The following ANKMY1 variants were observed in gnomAD, a reference collection of about 807,000 sequenced individuals.
ANKMY1 encodes the protein ankyrin repeat and MYND domain containing 1, also known as ankyrin repeat and MYND domain-containing protein 1.
Under a neutral mutation model 102.0 loss-of-function variants are expected in ANKMY1, and 98 were observed. That is an observed-to-expected ratio of 0.96 (90% CI 0.82 to 1.14). The LOEUF is 1.14. Among genes scored for constraint, ANKMY1 ranks in the 50% most tolerant of loss-of-function variants. The probability of loss-of-function intolerance (pLI) is 0.00; values close to 1 mark genes in which losing one functional copy is unlikely to be tolerated. For missense variants in ANKMY1, 1,330 were observed against 1,347.6 expected, an observed-to-expected ratio of 0.99 and a Z score of 0.20; for synonymous variants, 582 against 559.9, an observed-to-expected ratio of 1.04 and a Z score of -0.56.
At chr2:240,509,243 G>GGATA (rs59967171) in intron 12 of ANKMY1, 105 bp downstream of exon 12, 506,671 of 830,028 alleles carry the variant, frequency 0.61, 157,175 homozygotes, top group East Asian at 0.78. Flanking sequence ...ATGGATGGAT[G>GGATA]GATAAATGGC....
At chr2:240,543,126 G>A (rs1481337657) in intron 4 of ANKMY1, among the ~76,000 whole-genome samples, 1 of 151,948 alleles carries the variant, frequency 6.6e-6, no homozygotes, top group East Asian at 1.9e-4. Context: ...AAGGCGGGCA[G>A]ATCATGAGGT....
At chr2:240,532,570 G>T (rs1372814261) in intron 4 of ANKMY1, among the ~76,000 whole-genome samples, 1 of 152,194 alleles carries the variant, frequency 6.6e-6, no homozygotes, top group Non-Finnish European at 1.5e-5. Context: ...GTCTAAAAAT[G>T]CTGACTATAA....
intron 1 of ANKMY1, among the ~76,000 whole-genome samples, chr2:240,557,628 T>TGGCCA (rs1325470615): frequency 6.6e-6 from 1 of 152,152 alleles, no homozygotes; most frequent in Non-Finnish European, 1.5e-5. Flanking sequence ...CGCGGCCACG[T>TGGCCA]GGCCAGGCCA....
chr2:240,519,364 G>A (rs2081732682), intron 9 of ANKMY1, among the ~76,000 whole-genome samples: 1 of 152,218 alleles, frequency 6.6e-6, no homozygotes, highest in Non-Finnish European at 1.5e-5. Context: ...CAGGCAAAGG[G>A]ATGAAATACA....
intron 15 of ANKMY1, among the ~76,000 whole-genome samples, chr2:240,487,175 T>C (rs1159397289): frequency 2.0e-5 from 3 of 152,238 alleles, no homozygotes; most frequent in African/African-American, 7.2e-5. Flanking sequence ...TTTTCTAGTC[T>C]CTACCTCCAT....
rs546198800 is a variant in ANKMY1 at position 240,528,887 on chromosome 2, C to T, written c.953+150G>A. ...CAGGGGCTTTCCCTCCCTTCATTAT[C>T]GCCCACATCAGTCACTTAATGGGAG... On this transcript the variant is annotated intron_variant, in intron 5 of 17. Transcript: ENST00000401804. The T allele has an allele frequency of 2.0e-4, 147 of 742,072 alleles. 1 individual carries two copies. The African/African-American group carries it at 2.2e-3, about 11-fold the overall frequency. 46.0% of individuals were successfully genotyped at this position (742,072 alleles called of 1,614,324 possible). A position where few individuals can be genotyped will look rare whatever the true frequency, so the allele number is the denominator to read the frequency against.
chr2:240,534,762 T>C (rs958342794), intron 4 of ANKMY1, among the ~76,000 whole-genome samples: 2 of 152,164 alleles, frequency 1.3e-5, no homozygotes, highest in Non-Finnish European at 2.9e-5. Context: ...GATTCTAACA[T>C]ACCTTTCTCA....
intron 12 of ANKMY1, 63 bp from the exon 13 acceptor site, chr2:240,507,754 G>T: frequency 6.6e-7 from 1 of 1,522,896 alleles, no homozygotes; most frequent in Non-Finnish European, 8.9e-7. Flanking sequence ...AGAGGGGAAG[G>T]CCCCAGGGCT....
chr2:240,526,739 G>A, intron 5 of ANKMY1: 1 of 1,325,984 alleles, frequency 7.5e-7, no homozygotes, highest in South Asian at 1.6e-5. Flanking sequence ...GATTCATCTG[G>A]GTGTTTGCTA....
chr2:240,501,112 A>G (rs2078108461), intron 13 of ANKMY1, among the ~76,000 whole-genome samples: 1 of 150,052 alleles, frequency 6.7e-6, no homozygotes. Flanking sequence ...GTGTGTGGAT[A>G]TGTGTGTGTG....
intron 9 of ANKMY1, among the ~76,000 whole-genome samples, chr2:240,513,249 A>G (rs940863362): frequency 1.3e-5 from 2 of 152,188 alleles, no homozygotes; most frequent in Non-Finnish European, 2.9e-5. Flanking sequence ...TTCCTCTAAG[A>G]AAAGCCTCTC....
chr2:240,560,943 G>A (rs868495061), upstream of ANKMY1: 3 of 1,531,944 alleles, frequency 2.0e-6, no homozygotes, highest in African/African-American at 1.4e-5. Flanking sequence ...GCCCACGTGC[G>A]CCGCCATGGA....
chr2:240,477,854 A>C (rs2074957758), downstream of ANKMY1, among the ~76,000 whole-genome samples: 1 of 137,982 alleles, frequency 7.2e-6, no homozygotes, highest in African/African-American at 2.5e-5. Context: ...TCCCACTTTT[A>C]GATACACGTC....
chr2:240,557,808 C>T (rs912299235), intron 1 of ANKMY1, 73 bp downstream of exon 1: 2 of 937,138 alleles, frequency 2.1e-6, no homozygotes, highest in African/African-American at 1.8e-5. Flanking sequence ...GGCGCCCCCC[C>T]GCACCCGCCG....
chr2:240,527,278 A>T (rs549993616), intron 5 of ANKMY1: 1 of 150,538 alleles, frequency 6.6e-6, no homozygotes, highest in East Asian at 1.9e-4. Flanking sequence ...AGATTGATAG[A>T]TGGATAGATG....
intron 13 of ANKMY1, 88 bp from the exon 14 acceptor site, chr2:240,500,653 C>G: frequency 8.8e-7 from 1 of 1,137,032 alleles, no homozygotes; most frequent in Non-Finnish European, 1.3e-6. Context: ...GCCATGGTCA[C>G]CTGCAGTCCC....
In ANKMY1 at chr2:240,531,375, C is replaced by T. The variant is rs140841589; in HGVS notation, c.481-1866G>A. 4.2e-3 allele frequency among the ~76,000 whole-genome samples: 640 copies of T among 152,292 alleles called. 8 individuals are homozygous for T. Among genetic ancestry groups the T allele is most frequent in the African/African-American group, 0.014 (595 of 41,554 alleles). The stretch of plus-strand genomic sequence containing the variant: ...ATACACTTACTGTTTTGACCAGCAA[C>T]CCCACTCTTGGGTATTTATCCAAGT... On this transcript the variant is annotated intron_variant, in intron 4 of 17. Transcript: ENST00000401804.
At chr2:240,542,684 C>CTG (rs1161774656) in intron 4 of ANKMY1, among the ~76,000 whole-genome samples, 1 of 148,592 alleles carries the variant, frequency 6.7e-6, no homozygotes, top group African/African-American at 2.5e-5. Flanking sequence ...ATCTTTGTAT[C>CTG]TGTGTGTGTG....
chr2:240,499,164 G>A lies in ANKMY1; in HGVS notation c.2806+794C>T, dbSNP rs1181057305. 6.6e-6 allele frequency among the ~76,000 whole-genome samples: 1 copy of A among 152,182 alleles called. No individual in the cohort carries two copies. The highest frequency in any genetic ancestry group is 1.5e-5 in the Non-Finnish European group (1 of 68,022). On this transcript the variant is annotated intron_variant, in intron 15 of 17. Transcript: ENST00000401804. This position sits in a 1 kb window ranked among gnomAD's most constrained non-coding sequence, Gnocchi z 4.2. Reference sequence around the variant, plus strand: ...GAGGCTACTGCATGCTGAGGGCTCGGTGTGGGGGCGGGATCAGCAGGTTCC... The same window carrying A: ...GAGGCTACTGCATGCTGAGGGCTCGATGTGGGGGCGGGATCAGCAGGTTCC...
Sources: gnomAD v4.1 joint callset for allele counts (sites outside exome capture counted in the v4.1 genomes callset) on GRCh38, gnomAD v4.1.1 for gene constraint, Gnocchi (gnomAD v3.1) non-coding constraint, MANE v1.5 for transcripts, NCBI Gene and HGNC (gene_info 2026-07-23, HGNC 2026-07-21) for gene names.